Variants in HAAO observed in about 807,000 individuals in gnomAD.
HAAO encodes the protein 3-hydroxyanthranilate 3,4-dioxygenase.
A neutral mutation model predicts 46.2 loss-of-function variants in HAAO; 49 were observed. The ratio of observed to expected loss-of-function variants is 1.06; its 90% CI spans 0.84 to 1.34. HAAO has a LOEUF of 1.34. Ranked by LOEUF, HAAO falls within the 40% of genes most tolerant of loss-of-function variation. The probability of loss-of-function intolerance (pLI) is 0.00; values close to 1 mark genes in which losing one functional copy is unlikely to be tolerated. For synonymous variants in HAAO, 157 were observed against 145.2 expected, an observed-to-expected ratio of 1.08 and a Z score of -0.58; for missense variants, 408 against 364.5, an observed-to-expected ratio of 1.12 and a Z score of -0.97.
intron 1 of HAAO, among the ~76,000 whole-genome samples, chr2:42,791,484 G>A (rs1283536974): frequency 7.0e-6 from 1 of 143,472 alleles, no homozygotes; most frequent in African/African-American, 3.0e-5. Context: ...TTGACTGTTG[G>A]CCATGTGGTA....
chr2:42,784,743 G>C (rs190608653), intron 2 of HAAO, among the ~76,000 whole-genome samples: 3 of 152,162 alleles, frequency 2.0e-5, no homozygotes, highest in Non-Finnish European at 4.4e-5. Context: ...AGCTGACCTC[G>C]AGGGACCTAG....
chr2:42,777,303 C>CAAAAAAAAAAAAAAA (rs1215772853), intron 4 of HAAO, among the ~76,000 whole-genome samples: 5 of 40,218 alleles, frequency 1.2e-4, no homozygotes, highest in African/African-American at 3.8e-4. Flanking sequence ...ACTCTTATCG[C>CAAAAAAAAAAAAAAA]AAAAAAAAAA....
At chr2:42,784,069 T>C in intron 2 of HAAO, 1 of 553,476 alleles carries the variant, frequency 1.8e-6, no homozygotes, top group Non-Finnish European at 2.3e-6. Context: ...GGATCATGTC[T>C]TGGACATGCA....
At chr2:42,773,860 G>A (rs1327190671) in intron 4 of HAAO, among the ~76,000 whole-genome samples, 1 of 152,190 alleles carries the variant, frequency 6.6e-6, no homozygotes, top group Non-Finnish European at 1.5e-5. Flanking sequence ...GAAGTGCTGG[G>A]ATTACAAGCG....
At chr2:42,767,752 G>C in intron 8 of HAAO, 75 bp from the exon 9 acceptor site, 2 of 1,538,272 alleles carry the variant, frequency 1.3e-6, no homozygotes, top group Non-Finnish European at 1.8e-6. Context: ...GAGTCTGCCT[G>C]GGCCCCAAGG....
intron 4 of HAAO, among the ~76,000 whole-genome samples, chr2:42,778,017 T>A (rs1671719759): frequency 6.6e-6 from 1 of 152,114 alleles, no homozygotes. Context: ...GTAAATTTAG[T>A]TGTAGAGTAA....
At chr2:42,792,176 C>G (rs1672854484) in intron 1 of HAAO, among the ~76,000 whole-genome samples, 1 of 152,272 alleles carries the variant, frequency 6.6e-6, no homozygotes, top group South Asian at 2.1e-4. Context: ...AATTGTTTCT[C>G]AGCCCTGGAA....
At chr2:42,770,111 G>C in intron 6 of HAAO, 32 bp downstream of exon 6, 1 of 1,591,538 alleles carries the variant, frequency 6.3e-7, no homozygotes, top group African/African-American at 1.3e-5. Flanking sequence ...GGGGAGGGAG[G>C]GAAGGAGAAG....
chr2:42,777,443 C>A (rs911558700), intron 4 of HAAO, among the ~76,000 whole-genome samples: 4 of 151,740 alleles, frequency 2.6e-5, no homozygotes, highest in African/African-American at 2.4e-5. Context: ...GTTGTGTACA[C>A]AATGTTTCAC....
At chr2:42,787,467 G>A (rs763067526) in intron 2 of HAAO, among the ~76,000 whole-genome samples, 1 of 152,168 alleles carries the variant, frequency 6.6e-6, no homozygotes, top group Non-Finnish European at 1.5e-5. Flanking sequence ...CCAAGGAAAC[G>A]GTCTCCAGTG....
At chr2:42,773,200 T>C (rs921304101) in intron 4 of HAAO, among the ~76,000 whole-genome samples, 1 of 152,252 alleles carries the variant, frequency 6.6e-6, no homozygotes, top group Non-Finnish European at 1.5e-5. Context: ...AGTAACACTT[T>C]AGCAACTTTA....
intron 4 of HAAO, among the ~76,000 whole-genome samples, chr2:42,771,452 AAAAAAAAAAG>A (rs1671110632): frequency 6.6e-6 from 1 of 151,672 alleles, no homozygotes; most frequent in African/African-American, 2.4e-5. Context: ...AGTAAAAAAA[AAAAAAAAAAG>A]AAGCCAACAC....
At position 42,788,196 on chromosome 2, in the gene HAAO, G is replaced by C. The variant is rs189173253; in HGVS notation, c.159+333C>G. On this transcript the variant is annotated intron_variant, in intron 2 of 9. Coordinates refer to ENST00000294973, the MANE Select transcript of HAAO (RefSeq NM_012205.3). ...GACCAATTGAATCTGTCAAGTTTGT[G>C]GGGAGGGGACCAGGACGTCCCCCTT... 2.1e-3 allele frequency among the ~76,000 whole-genome samples: 322 copies of C among 152,324 alleles called. 3 individuals are homozygous for C. Among genetic ancestry groups the C allele is most frequent in the African/African-American group, 7.0e-3 (290 of 41,572 alleles).
At chr2:42,783,262 G>T in intron 4 of HAAO, 52 bp downstream of exon 4, 1 of 1,074,346 alleles carries the variant, frequency 9.3e-7, no homozygotes, top group Non-Finnish European at 1.4e-6. Flanking sequence ...TTGGAGCTGT[G>T]CTCCTCTGCT....
rs1362424756 is a variant in HAAO at position 42,769,734 on chromosome 2, A to T, written c.609T>A (p.Phe203Leu). 1 of 1,612,854 alleles carries T rather than the reference A, an allele frequency of 6.2e-7. No homozygotes were observed. The highest frequency in any genetic ancestry group is 8.5e-7 in the Non-Finnish European group (1 of 1,179,468). ...ELQAGTPLSL[F>L]GDTYETQVIA... is the part of the protein sequence containing the mutation. ...TTACCTGGGTCTCATAGGTGTCCCC[A>T]AACAGGCTGAGTGGTGTGCCTGCCT... Residue 203 changes from phenylalanine to leucine, a missense_variant, in exon 7 of 10, where the codon TTT (phenylalanine) becomes TTA (leucine). By Grantham distance (22) the Phe-to-Leu change is conservative (BLOSUM62 0). Transcript: ENST00000294973.
At chr2:42,790,630 C>G (rs1256047684) in intron 1 of HAAO, among the ~76,000 whole-genome samples, 12 of 151,798 alleles carry the variant, frequency 7.9e-5, no homozygotes, top group Non-Finnish European at 1.5e-4. Context: ...CTCCCGGGTT[C>G]AAGCAATTCT....
In HAAO at chr2:42,770,640, C is replaced by A. The variant is rs571000683; in HGVS notation, c.351-58G>T. 128 of 1,119,724 alleles carry A rather than the reference C, an allele frequency of 1.1e-4. No homozygotes were observed. The African/African-American group carries it at 1.9e-3, about 16-fold the overall frequency. 69.4% of individuals were successfully genotyped at this position (1,119,724 alleles called of 1,614,324 possible). On this transcript the variant is annotated intron_variant, in intron 4 of 9. Transcript: ENST00000294973. The stretch of plus-strand genomic sequence containing the variant: ...CCCCATCTGGGTGGCTTCAGGGCAG[C>A]CCCACTCAGGCCTGGCTCTGCTTGT...
chr2:42,773,939 G>T (rs1573912911), intron 4 of HAAO, among the ~76,000 whole-genome samples: 1 of 152,130 alleles, frequency 6.6e-6, no homozygotes, highest in Non-Finnish European at 1.5e-5. Context: ...TGAGATAAAT[G>T]CATATCTGAT....
chr2:42,782,040 G>C (rs142124654), intron 4 of HAAO, among the ~76,000 whole-genome samples: 2 of 152,174 alleles, frequency 1.3e-5, no homozygotes, highest in Non-Finnish European at 2.9e-5. Context: ...TTCTAGTCTT[G>C]CCTAATGTTT....
Sources: gnomAD v4.1 joint callset for allele counts (sites outside exome capture counted in the v4.1 genomes callset) on GRCh38, gnomAD v4.1.1 for gene constraint, MANE v1.5 for transcripts, NCBI Gene and HGNC (gene_info 2026-07-23, HGNC 2026-07-21) for gene names.